Variants in SNX29 observed in about 807,000 individuals in gnomAD.
The protein encoded by SNX29 is sorting nexin 29, also known as sorting nexin-29.
In SNX29, 78 loss-of-function variants were observed where a neutral mutation model predicts 102.1. That is an observed-to-expected ratio of 0.76 (90% CI 0.64 to 0.92). The LOEUF is 0.92. SNX29 is among the 40% of genes least tolerant of loss of function. The pLI is 0.00. For missense variants in SNX29, 1,280 were observed against 1,061.7 expected (o/e 1.21, Z -2.86); for synonymous variants, 580 against 414.5 (o/e 1.40, Z -4.85).
intron 15 of SNX29, among the ~76,000 whole-genome samples, chr16:12,305,441 T>C (rs1276561949): frequency 6.6e-6 from 1 of 152,238 alleles, no homozygotes; most frequent in Non-Finnish European, 1.5e-5. Flanking sequence ...TGCCAGTGAC[T>C]GTGACACTGG....
chr16:12,508,091 A>G (rs903908689), intron 19 of SNX29, among the ~76,000 whole-genome samples: 1 of 152,220 alleles, frequency 6.6e-6, no homozygotes, highest in African/African-American at 2.4e-5. Flanking sequence ...TTACCTGTAA[A>G]AGGGAGGTAC....
chr16:12,130,584 C>T (rs928122542), intron 13 of SNX29, among the ~76,000 whole-genome samples: 1 of 149,292 alleles, frequency 6.7e-6, no homozygotes, highest in African/African-American at 2.5e-5. Context: ...GTTCAAAATA[C>T]AAAAGGTGAA....
intron 19 of SNX29, among the ~76,000 whole-genome samples, chr16:12,521,637 GTC>G (rs2090106157): frequency 6.6e-6 from 1 of 152,208 alleles, no homozygotes; most frequent in South Asian, 2.1e-4. Context: ...CTGTAGCAGA[GTC>G]TATCAAGCTG....
At chr16:12,195,181 G>A (rs745987526) in intron 13 of SNX29, among the ~76,000 whole-genome samples, 5 of 152,112 alleles carry the variant, frequency 3.3e-5, no homozygotes, top group Non-Finnish European at 7.4e-5. Context: ...GTGTATATAC[G>A]TAATATTCAT....
At chr16:12,450,029 G>C (rs1386452912) in intron 18 of SNX29, among the ~76,000 whole-genome samples, 1 of 149,452 alleles carries the variant, frequency 6.7e-6, no homozygotes, top group Non-Finnish European at 1.5e-5. Context: ...GTAATTCTCA[G>C]GAGAGCTGAT....
chr16:12,461,619 G>A (rs1431267623), intron 18 of SNX29, among the ~76,000 whole-genome samples: 1 of 151,984 alleles, frequency 6.6e-6, no homozygotes, highest in Admixed American at 6.6e-5. Context: ...TTGAAGCATC[G>A]CGTCTTCCAA....
At chr16:12,351,760 C>G (rs1417234822) in intron 15 of SNX29, among the ~76,000 whole-genome samples, 2 of 152,076 alleles carry the variant, frequency 1.3e-5, no homozygotes, top group African/African-American at 4.8e-5. Context: ...TTTCCAAAGC[C>G]CAACTCAAAT....
intron 15 of SNX29, among the ~76,000 whole-genome samples, chr16:12,283,174 G>A (rs933772087): frequency 6.6e-6 from 1 of 152,172 alleles, no homozygotes; most frequent in Non-Finnish European, 1.5e-5. Context: ...CCAGCCCTTA[G>A]CTTCCTTTCT....
Position 12,096,523 on chromosome 16 carries a change from G to C in SNX29, c.1402+17608G>C, listed in dbSNP as rs1386717633. Among the ~76,000 whole-genome samples, 1 of 152,184 alleles carries C rather than the reference G, an allele frequency of 6.6e-6. No homozygotes were observed. Among genetic ancestry groups the C allele is most frequent in the East Asian group, 1.9e-4 (1 of 5,190 alleles). The stretch of plus-strand genomic sequence containing the variant: ...TGAGTTCATACACAGAGAGTGCTTT[G>C]ACATTGCGCTCAGCACTCAGGAGAT... On this transcript the variant is annotated intron_variant, in intron 11 of 20. Coordinates refer to ENST00000566228, the MANE Select transcript of SNX29 (RefSeq NM_032167.5). The surrounding 1 kb of genome is among the most constrained non-coding windows in gnomAD (Gnocchi z 4.2).
intron 20 of SNX29, among the ~76,000 whole-genome samples, chr16:12,540,639 C>T (rs1040497248): frequency 6.6e-6 from 1 of 152,186 alleles, no homozygotes; most frequent in African/African-American, 2.4e-5. Context: ...AGGATCATCT[C>T]CCCATCTCAA....
chr16:12,069,812 T>C (rs1303746356), intron 10 of SNX29, among the ~76,000 whole-genome samples: 2 of 152,196 alleles, frequency 1.3e-5, no homozygotes, highest in African/African-American at 4.8e-5. Context: ...TGCCTCAGCC[T>C]CCTGAGTAGC....
intron 15 of SNX29, among the ~76,000 whole-genome samples, chr16:12,331,661 C>G (rs562243763): frequency 6.6e-6 from 1 of 152,002 alleles, no homozygotes; most frequent in African/African-American, 2.4e-5. Context: ...ATGCAAATCT[C>G]CTGCCTCAGT....
In SNX29 at chr16:11,985,914, C is replaced by T. The variant is rs1343468765; in HGVS notation, c.7+9101C>T. Among the ~76,000 whole-genome samples, 3 of 151,092 alleles carry T rather than the reference C, an allele frequency of 2.0e-5. No individual in the cohort carries two copies. The Middle Eastern group carries it at 0.01, about 514-fold the overall frequency. ...GTGGCGTGATCTTGGCTCACTGCAA[C>T]CTCTGTCTCCCATGTTCAAGTGATT... On this transcript the variant is annotated intron_variant, in intron 1 of 20. Coordinates refer to ENST00000566228, the MANE Select transcript of SNX29 (RefSeq NM_032167.5).
chr16:12,133,723 C>T (rs530926784), intron 13 of SNX29, among the ~76,000 whole-genome samples: 3 of 152,230 alleles, frequency 2.0e-5, no homozygotes, highest in Admixed American at 1.3e-4. Flanking sequence ...CTATCATTAT[C>T]GTTTTTCTTA....
Position 12,098,110 on chromosome 16 carries a change from G to A in SNX29, c.1402+19195G>A, listed in dbSNP as rs1416896547. ...CCCGCACACGCTGGGCCCAGAGGAC[G>A]CTCAGTACGTGGCCGGGGTGCTTAC... On this transcript the variant is annotated intron_variant, in intron 11 of 20. Transcript: ENST00000566228. The surrounding 1 kb of genome is among the most constrained non-coding windows in gnomAD (Gnocchi z 6.0). Among the ~76,000 whole-genome samples the A allele has an allele frequency of 3.3e-5, 5 of 152,226 alleles. No individual in the cohort carries two copies. Among genetic ancestry groups the A allele is most frequent in the Admixed American group, 1.3e-4 (2 of 15,286 alleles).
intron 18 of SNX29, among the ~76,000 whole-genome samples, chr16:12,409,285 T>C (rs1374045729): frequency 6.6e-6 from 1 of 152,200 alleles, no homozygotes; most frequent in East Asian, 1.9e-4. Flanking sequence ...TTAACACACA[T>C]TTTGGTTTGA....
intron 5 of SNX29, among the ~76,000 whole-genome samples, chr16:12,043,943 G>A (rs1006077982): frequency 6.6e-5 from 10 of 152,074 alleles, no homozygotes; most frequent in African/African-American, 1.2e-4. Flanking sequence ...TAGTGGGTAC[G>A]GGGTTTAATC....
At chr16:12,514,799 A>C (rs1294347081) in intron 19 of SNX29, among the ~76,000 whole-genome samples, 1 of 152,064 alleles carries the variant, frequency 6.6e-6, no homozygotes, top group Non-Finnish European at 1.5e-5. Context: ...GGGGAGGTGG[A>C]GGTTGCAGTG....
At chr16:12,495,556 G>T (rs1007720685) in intron 19 of SNX29, among the ~76,000 whole-genome samples, 50 of 152,234 alleles carry the variant, frequency 3.3e-4, no homozygotes, top group African/African-American at 1.1e-3. Flanking sequence ...TTGTTTTATA[G>T]CATTAGCACA....
Sources: allele counts gnomAD v4.1 joint callset (sites outside exome capture counted in the v4.1 genomes callset), GRCh38; gene constraint gnomAD v4.1.1; non-coding constraint Gnocchi (gnomAD v3.1); transcripts MANE v1.5; gene names NCBI Gene and HGNC (gene_info 2026-07-23, HGNC 2026-07-21).